CAMSAP1: variants seen among roughly 807,000 people sequenced by gnomAD.
The protein encoded by CAMSAP1 is calmodulin regulated spectrin associated protein 1.
CAMSAP1 carries 58 observed loss-of-function variants against 143.5 expected under a neutral mutation model. The observed-to-expected ratio is 0.40, with a 90% CI of 0.33 to 0.50. CAMSAP1 has a LOEUF of 0.50. Ranked by LOEUF, CAMSAP1 falls within the 20% of genes least tolerant of loss-of-function variation. The pLI is 0.45. For missense variants in CAMSAP1, 1,969 were observed against 2,115.7 expected (o/e 0.93, Z 1.36); for synonymous variants, 945 against 859.3 (o/e 1.10, Z -1.74).
chr9:135,847,279 C>T (rs35842144), intron 7 of CAMSAP1, among the ~76,000 whole-genome samples: 2,298 of 152,118 alleles, frequency 0.015, 18 homozygotes, highest in Non-Finnish European at 0.025. Context: ...GGTGTGAACC[C>T]GGGAGGTGGA....
chr9:135,895,275 T>C (rs536652278), intron 1 of CAMSAP1, among the ~76,000 whole-genome samples: 1 of 152,066 alleles, frequency 6.6e-6, no homozygotes, highest in Non-Finnish European at 1.5e-5. Context: ...CCTAACGAAA[T>C]CCACACCAGG....
intron 7 of CAMSAP1, among the ~76,000 whole-genome samples, chr9:135,838,532 T>C (rs1054413952): frequency 2.9e-5 from 4 of 140,036 alleles, no homozygotes; most frequent in Middle Eastern, 9.0e-3. Flanking sequence ...TTTCCACCCA[T>C]TCTACAGACA....
intron 5 of CAMSAP1, among the ~76,000 whole-genome samples, chr9:135,853,182 G>A (rs901742053): frequency 4.6e-5 from 7 of 152,084 alleles, no homozygotes; most frequent in South Asian, 2.1e-4. Context: ...AGGACACACC[G>A]CAAGGAAACT....
intron 3 of CAMSAP1, among the ~76,000 whole-genome samples, chr9:135,876,619 A>C (rs962393868): frequency 1.3e-5 from 2 of 152,218 alleles, no homozygotes; most frequent in Non-Finnish European, 2.9e-5. Context: ...ACATTTTGGC[A>C]GTTTATTCTA....
chr9:135,825,144 C>T (rs1158991788), intron 8 of CAMSAP1, among the ~76,000 whole-genome samples: 1 of 152,102 alleles, frequency 6.6e-6, no homozygotes, highest in Non-Finnish European at 1.5e-5. Context: ...AAGCAAAACC[C>T]AAGCGTGCAA....
intron 3 of CAMSAP1, 130 bp downstream of exon 3, chr9:135,881,503 A>G (rs1306551432): frequency 1.9e-6 from 2 of 1,068,402 alleles, no homozygotes; most frequent in Non-Finnish European, 2.7e-6. Flanking sequence ...ACATTTCTGG[A>G]CACAAAATAT....
intron 1 of CAMSAP1, among the ~76,000 whole-genome samples, chr9:135,903,319 G>C (rs979932681): frequency 6.6e-6 from 1 of 152,212 alleles, no homozygotes; most frequent in Non-Finnish European, 1.5e-5. Context: ...TTTTCAACAT[G>C]TCCAATACAT....
intron 5 of CAMSAP1, among the ~76,000 whole-genome samples, chr9:135,856,879 T>A (rs1206650778): frequency 2.0e-5 from 3 of 152,182 alleles, no homozygotes; most frequent in African/African-American, 7.2e-5. Flanking sequence ...TCCTGGCCCA[T>A]CCATGGGAAG....
chr9:135,885,824 T>C lies in CAMSAP1; in HGVS notation c.161-2746A>G, dbSNP rs117576571. ...CTTACTAAAGATACAAGCTTCAGACTGTGGTGAAGCCCTCCTAACTGTATG... is the reference window on the plus strand; with the variant it reads ...CTTACTAAAGATACAAGCTTCAGACCGTGGTGAAGCCCTCCTAACTGTATG... On this transcript the variant is annotated intron_variant, in intron 1 of 16. Transcript: ENST00000389532. Among the ~76,000 whole-genome samples the C allele has an allele frequency of 7.9e-5, 12 of 152,338 alleles. No individual in the cohort carries two copies. The East Asian group carries it at 2.1e-3, about 27-fold the overall frequency.
rs191037244 is a variant in CAMSAP1 at position 135,833,247 on chromosome 9, A to G, written c.1046-5663T>C. ...CAGGCGCCCGCCACTACGCCCGGCT[A>G]ATTTTTTGTATTTTTAGTAGAGACG... is the stretch of plus-strand genomic sequence containing the variant. On this transcript the variant is annotated intron_variant, in intron 7 of 16. Transcript: ENST00000389532. Among the ~76,000 whole-genome samples the G allele has an allele frequency of 4.5e-3, 680 of 152,082 alleles. 6 individuals are homozygous for G. The highest frequency in any genetic ancestry group is 0.016 in the African/African-American group (664 of 41,466).
chr9:135,851,136 G>C (rs888309764), intron 5 of CAMSAP1, among the ~76,000 whole-genome samples: 13 of 152,242 alleles, frequency 8.5e-5, no homozygotes, highest in Admixed American at 7.9e-4. Flanking sequence ...CTGGTGTGGA[G>C]TGGGGGGTGG....
intron 5 of CAMSAP1, among the ~76,000 whole-genome samples, chr9:135,857,848 G>T (rs776966480): frequency 6.6e-6 from 1 of 152,198 alleles, no homozygotes; most frequent in Non-Finnish European, 1.5e-5. Context: ...CGGGTATGAA[G>T]AATTTTACAC....
intron 5 of CAMSAP1, among the ~76,000 whole-genome samples, chr9:135,859,542 G>A (rs531290858): frequency 1.9e-4 from 29 of 151,982 alleles, no homozygotes; most frequent in Non-Finnish European, 3.8e-4. Context: ...ACAGGTGCCC[G>A]CCACCACATC....
intron 7 of CAMSAP1, among the ~76,000 whole-genome samples, chr9:135,838,074 TAC>T (rs1448613101): frequency 1.3e-5 from 2 of 149,170 alleles, no homozygotes; most frequent in East Asian, 2.0e-4. Context: ...CCACCCATTC[TAC>T]AGACACACGT....
chr9:135,901,979 G>A (rs1469791811), intron 1 of CAMSAP1, among the ~76,000 whole-genome samples: 1 of 152,184 alleles, frequency 6.6e-6, no homozygotes, highest in Non-Finnish European at 1.5e-5. Flanking sequence ...GCTCTTAGGG[G>A]CTAACCATTC....
chr9:135,834,355 C>T (rs909838277), intron 7 of CAMSAP1, among the ~76,000 whole-genome samples: 3 of 152,186 alleles, frequency 2.0e-5, no homozygotes, highest in Admixed American at 1.3e-4. Flanking sequence ...TGTGCACTCC[C>T]ATGTTTACTG....
intron 3 of CAMSAP1, among the ~76,000 whole-genome samples, chr9:135,873,074 C>T (rs1325352396): frequency 6.6e-6 from 1 of 152,226 alleles, no homozygotes; most frequent in African/African-American, 2.4e-5. Context: ...CAAGGTAAGG[C>T]ATGTCACGGA....
At chr9:135,872,478 A>C (rs1036255614) in intron 3 of CAMSAP1, among the ~76,000 whole-genome samples, 5 of 152,234 alleles carry the variant, frequency 3.3e-5, no homozygotes, top group Non-Finnish European at 7.3e-5. Context: ...AAGAAAAAGA[A>C]AAGAGATAAA....
In CAMSAP1 at chr9:135,850,460, A is replaced by T; in HGVS notation, c.810T>A (p.Asp270Glu). The T allele has an allele frequency of 6.4e-7, 1 of 1,562,858 alleles. No individual in the cohort carries two copies. ...TCGACGTTACCTCCTTTAAGCATAT[A>T]TCTAATAGACAAAAAGAAAATCACA... Reference protein sequence around the residue: ...YYCPEQMKLDDICLKEVTSMA... With the variant: ...YYCPEQMKLDEICLKEVTSMA... The change falls in exon 6 of 17, where the codon GAT (aspartate) becomes GAA (glutamate). Residue 270 changes from aspartate (D) to glutamate (E), a missense_variant and splice_region_variant. Around this residue, in one of 4 missense-constraint regions of CAMSAP1, gnomAD observed 221 missense variants for 298.2 expected, o/e 0.74. Coordinates refer to ENST00000389532, the MANE Select transcript of CAMSAP1 (RefSeq NM_015447.4).
Sources: allele counts gnomAD v4.1 joint callset (sites outside exome capture counted in the v4.1 genomes callset), GRCh38; gene constraint gnomAD v4.1.1; regional missense constraint gnomAD v4.1.1; transcripts MANE v1.5; gene names NCBI Gene and HGNC (gene_info 2026-07-23, HGNC 2026-07-21).